The following SFI1 variants were observed in gnomAD, a reference collection of about 807,000 sequenced individuals.
The protein encoded by SFI1 is protein SFI1 homolog.
A neutral mutation model predicts 207.5 loss-of-function variants in SFI1; 195 were observed. The observed-to-expected ratio is 0.94, with a 90% CI of 0.84 to 1.06. The LOEUF (loss-of-function observed/expected upper bound fraction) is 1.06. Among genes scored for constraint, SFI1 ranks in the 50% least tolerant of loss-of-function variants. SFI1 has a pLI of 0.00. For missense variants in SFI1, 1,634 were observed against 1,588.0 expected, an observed-to-expected ratio of 1.03 and a Z score of -0.49; for synonymous variants, 630 against 598.9, an observed-to-expected ratio of 1.05 and a Z score of -0.76.
chr22:31,573,189 C>T lies in SFI1; in HGVS notation c.897C>T (p.Val299=), dbSNP rs749117680. The T allele has an allele frequency of 4.3e-6, 7 of 1,613,976 alleles. No individual in the cohort carries two copies. The highest frequency in any genetic ancestry group is 1.6e-4 in the Middle Eastern group (1 of 6,062). ...AGGCCTGGCTTGAATACCTGCAAGT[C>T]CGCAGAGTGAAGAGACAGCAGAATG... ...FLKAWLEYLQ[V]RRVKRQQNEM... The change falls in exon 9 of 33, where the codon GTC becomes GTT. Residue 299 remains valine, a synonymous_variant. Transcript: ENST00000400288.
At position 31,526,989 on chromosome 22, in the gene SFI1, C is replaced by T. The variant is rs57213097; in HGVS notation, c.93-1701C>T. Among the ~76,000 whole-genome samples, 527 of 152,144 alleles carry T rather than the reference C, an allele frequency of 3.5e-3. 2 individuals are homozygous for T. Among genetic ancestry groups the T allele is most frequent in the African/African-American group, 0.012 (507 of 41,500 alleles). On this transcript the variant is annotated intron_variant, in intron 2 of 32. Coordinates refer to ENST00000400288, the MANE Select transcript of SFI1 (RefSeq NM_001007467.3). ...ATGGCTCACCGCAACCTCCGCCTCC[C>T]GGGTTCAAGCGATTCTCCTGCCTCA...
At position 31,615,293 on chromosome 22, in the gene SFI1, C is replaced by G. The variant is rs533008845; in HGVS notation, c.3300+14C>G. On this transcript the variant is annotated intron_variant, in intron 29 of 32. Transcript: ENST00000400288. Reference sequence around the variant, plus strand: ...GCACCAGCCAGGGTACGTCCTCCACCACCAGGCCTGGGCACTGGGGCTCTC... The same window carrying G: ...GCACCAGCCAGGGTACGTCCTCCACGACCAGGCCTGGGCACTGGGGCTCTC... 1.4e-6 allele frequency: 2 copies of G among 1,473,556 alleles called. No homozygotes were observed. Among genetic ancestry groups the G allele is most frequent in the Non-Finnish European group, 1.8e-6 (2 of 1,118,242 alleles). The allele number at this position is 1,473,556 out of a possible 1,614,324, so 91.3% of individuals were successfully genotyped here.
intron 29 of SFI1, 75 bp from the exon 30 acceptor site, chr22:31,616,670 A>C: frequency 6.8e-7 from 1 of 1,468,374 alleles, no homozygotes; most frequent in Non-Finnish European, 9.1e-7. Flanking sequence ...GCAGGCAGTG[A>C]CAAGGACTTG....
At chr22:31,574,540 C>G (rs533134918) in intron 9 of SFI1, among the ~76,000 whole-genome samples, 1 of 152,214 alleles carries the variant, frequency 6.6e-6, no homozygotes, top group Non-Finnish European at 1.5e-5. Flanking sequence ...GACTCAATCT[C>G]TAAGTCCTAT....
chr22:31,598,715 C>CTTTTTTTTTTTTTT (rs1215038400), intron 15 of SFI1, among the ~76,000 whole-genome samples: 1 of 2,104 alleles, frequency 4.8e-4, no homozygotes, highest in Non-Finnish European at 2.0e-3. Context: ...CTGCGCCTGG[C>CTTTTTTTTTTTTTT]CTTTTTTTTT....
intron 29 of SFI1, 131 bp from the exon 30 acceptor site, chr22:31,616,614 C>A: frequency 1.0e-6 from 1 of 992,198 alleles, no homozygotes; most frequent in Non-Finnish European, 1.5e-6. Context: ...GCCTGGGAAG[C>A]CCAGCTCCTG....
At chr22:31,552,795 G>A in intron 6 of SFI1, among the ~76,000 whole-genome samples, 1 of 152,082 alleles carries the variant, frequency 6.6e-6, no homozygotes, top group East Asian at 1.9e-4. Context: ...CCCACCACCA[G>A]TGTGTTAAGT....
intron 2 of SFI1, among the ~76,000 whole-genome samples, chr22:31,520,821 C>T (rs937194909): frequency 6.7e-6 from 1 of 150,074 alleles, no homozygotes. Context: ...CATAGTAAGA[C>T]CCCGTCTCTA....
intron 14 of SFI1, 28 bp downstream of exon 14, chr22:31,585,162 C>T (rs1160739366): frequency 6.3e-7 from 1 of 1,585,084 alleles, no homozygotes; most frequent in Non-Finnish European, 8.7e-7. Context: ...GCAGATAGCT[C>T]TACTGGCTTA....
At chr22:31,513,618 C>T (rs1370737797) in intron 2 of SFI1, among the ~76,000 whole-genome samples, 2 of 137,478 alleles carry the variant, frequency 1.5e-5, no homozygotes, top group Non-Finnish European at 3.2e-5. Flanking sequence ...TGCTCTGTCG[C>T]CCAGGCTGGA....
intron 15 of SFI1, among the ~76,000 whole-genome samples, chr22:31,600,466 C>T (rs529712369): frequency 2.0e-4 from 30 of 152,346 alleles, no homozygotes; most frequent in Middle Eastern, 6.8e-3. Context: ...CCCTGTCCAG[C>T]TTCTGCTGTC....
intron 1 of SFI1, among the ~76,000 whole-genome samples, chr22:31,505,310 A>G (rs1178795429): frequency 6.6e-6 from 1 of 152,016 alleles, no homozygotes; most frequent in Non-Finnish European, 1.5e-5. Context: ...GTGGTGGTGC[A>G]TTCCTGTAAT....
chr22:31,613,367 G>A lies in SFI1; in HGVS notation c.2579G>A (p.Trp860Ter), dbSNP rs1466738019. Residue 860 changes from tryptophan to a stop codon, truncating the protein, a stop_gained, in exon 26 of 33, where the codon TGG (tryptophan) becomes TAG (stop). Coordinates refer to ENST00000400288, the MANE Select transcript of SFI1 (RefSeq NM_001007467.3). LOFTEE classifies it high-confidence loss of function. ...CCCTCCCTGGAGGTGTGGGCCACGT[G>A]GCTGGCCTTTGTACTGGAAAGGAGG... ...FSLQAKVWAT[W>*]LAFVLERRRK... is the part of the protein sequence containing the mutation. 6.2e-7 allele frequency: 1 copy of A among 1,609,540 alleles called. No homozygotes were observed. The highest frequency in any genetic ancestry group is 8.5e-7 in the Non-Finnish European group (1 of 1,177,874).
chr22:31,606,769 T>C (rs912653358), intron 21 of SFI1: 1 of 162,840 alleles, frequency 6.1e-6, no homozygotes, highest in African/African-American at 2.7e-5. Flanking sequence ...TCATCTCAGC[T>C]CACTGCAACC....
chr22:31,605,991 C>T (rs1221621695), intron 20 of SFI1: 1 of 268,920 alleles, frequency 3.7e-6, no homozygotes, highest in South Asian at 7.1e-5. Flanking sequence ...CAACCTTCCT[C>T]CAGGTTCCCT....
intron 8 of SFI1, among the ~76,000 whole-genome samples, chr22:31,562,553 A>G (rs1349069787): frequency 6.6e-6 from 1 of 151,940 alleles, no homozygotes; most frequent in Non-Finnish European, 1.5e-5. Context: ...AAAGTCCCAT[A>G]TTATTGTTAA....
chr22:31,535,488 C>T (rs2058905203), intron 4 of SFI1, among the ~76,000 whole-genome samples: 1 of 151,028 alleles, frequency 6.6e-6, no homozygotes, highest in Non-Finnish European at 1.5e-5. Flanking sequence ...CGCGCCTGAC[C>T]TTTTTTTTGT....
chr22:31,546,844 T>TGA lies in SFI1; in HGVS notation c.339-17_339-16insGA. ...CCAACATCATCATATATATATATGA[T>TGA]TTTTTTTTTGCCGTAGATTTTACTA... On this transcript the variant is annotated splice_polypyrimidine_tract_variant and intron_variant, in intron 4 of 32. Coordinates refer to ENST00000400288, the MANE Select transcript of SFI1 (RefSeq NM_001007467.3). The TGA allele has an allele frequency of 2.5e-5, 25 of 1,001,720 alleles. No homozygotes were observed. The highest frequency in any genetic ancestry group is 2.8e-5 in the Non-Finnish European group (20 of 711,968). The allele number at this position is 1,001,720 out of a possible 1,614,324, so 62.1% of individuals were successfully genotyped here.
chr22:31,514,526 A>T (rs902400558), intron 2 of SFI1, among the ~76,000 whole-genome samples: 164 of 150,920 alleles, frequency 1.1e-3, no homozygotes, highest in African/African-American at 3.5e-3. Context: ...AAAAAAAAAA[A>T]AAAAATCAAC....
Sources: allele counts gnomAD v4.1 joint callset (sites outside exome capture counted in the v4.1 genomes callset), GRCh38; gene constraint gnomAD v4.1.1; transcripts MANE v1.5; gene names NCBI Gene and HGNC (gene_info 2026-07-23, HGNC 2026-07-21).